Variants in FNDC3B observed in about 807,000 individuals in gnomAD.
FNDC3B encodes the protein fibronectin type III domain containing 3B.
A neutral mutation model predicts 151.5 loss-of-function variants in FNDC3B; 12 were observed. The observed-to-expected ratio is 0.08, with a 90% CI of 0.05 to 0.13. The LOEUF is 0.13. Ranked by LOEUF, FNDC3B falls within the 10% of genes least tolerant of loss-of-function variation. FNDC3B has a pLI of 1.00. For missense variants in FNDC3B, 1,214 were observed against 1,505.3 expected, an observed-to-expected ratio of 0.81 and a Z score of 3.20; for synonymous variants, 528 against 549.0, an observed-to-expected ratio of 0.96 and a Z score of 0.54.
intron 9 of FNDC3B, among the ~76,000 whole-genome samples, chr3:172,305,182 T>C (rs1731131857): frequency 6.6e-6 from 1 of 152,208 alleles, no homozygotes. Context: ...TTATTTCACC[T>C]ATAAACTATA....
At position 172,071,841 on chromosome 3, in the gene FNDC3B, C is replaced by A. The variant is rs545760350; in HGVS notation, c.-29+32070C>A. ...GCACTTCCGTATGAAGTCATTTTCT[C>A]ATTACCATGGTCTTACGAGGATAGA... On this transcript the variant is annotated intron_variant, in intron 1 of 25. Coordinates refer to ENST00000415807, the MANE Select transcript of FNDC3B (RefSeq NM_022763.4). Among the ~76,000 whole-genome samples, 10 of 152,174 alleles carry A rather than the reference C, an allele frequency of 6.6e-5. 2 individuals are homozygous for A. Among genetic ancestry groups the A allele is most frequent in the African/African-American group, 2.4e-4 (10 of 41,512 alleles).
rs1736526448 is a variant in FNDC3B at position 172,400,672 on chromosome 3, C to T, written c.*3197C>T. ...TAGTGTATATGTAATATATTTATGC[C>T]CAATAAATGTTTTAATTCTTTCTGA... is the stretch of plus-strand genomic sequence containing the variant. On this transcript the variant is annotated 3_prime_UTR_variant, in exon 26 of 26. Transcript: ENST00000415807. 6.6e-6 allele frequency: 1 copy of T among 152,308 alleles called. No homozygotes were observed. Among genetic ancestry groups the T allele is most frequent in the Admixed American group, 6.6e-5 (1 of 15,236 alleles). 9.4% of individuals were successfully genotyped at this position (152,308 alleles called of 1,614,324 possible).
At chr3:172,118,234 C>T (rs1720360231) in intron 2 of FNDC3B, among the ~76,000 whole-genome samples, 1 of 152,188 alleles carries the variant, frequency 6.6e-6, no homozygotes, top group South Asian at 2.1e-4. Context: ...CAAATGTGCC[C>T]CTCCTCCTAA....
chr3:172,222,338 T>C (rs1160242548), intron 3 of FNDC3B, among the ~76,000 whole-genome samples: 1 of 152,214 alleles, frequency 6.6e-6, no homozygotes, highest in African/African-American at 2.4e-5. Context: ...CTAAGACTTG[T>C]TTAAATGATG....
chr3:172,278,506 A>C (rs1263309310), intron 6 of FNDC3B, among the ~76,000 whole-genome samples: 1 of 152,240 alleles, frequency 6.6e-6, no homozygotes, highest in Non-Finnish European at 1.5e-5. Context: ...TGAACAGTTC[A>C]AAAACACAGG....
chr3:172,316,767 T>C (rs1222382540), intron 11 of FNDC3B, among the ~76,000 whole-genome samples: 1 of 152,236 alleles, frequency 6.6e-6, no homozygotes, highest in Non-Finnish European at 1.5e-5. Flanking sequence ...ATCAATGATA[T>C]GATGTTTATC....
intron 6 of FNDC3B, among the ~76,000 whole-genome samples, chr3:172,264,903 G>A (rs1171710058): frequency 6.6e-6 from 1 of 152,180 alleles, no homozygotes; most frequent in African/African-American, 2.4e-5. Flanking sequence ...TGGTCCAGTT[G>A]CTAGATTGTC....
At chr3:172,099,324 CATAA>C (rs914640417) in intron 1 of FNDC3B, among the ~76,000 whole-genome samples, 3 of 151,936 alleles carry the variant, frequency 2.0e-5, no homozygotes, top group African/African-American at 7.3e-5. Flanking sequence ...TGATGAAAGA[CATAA>C]ATAAATGAAT....
chr3:172,174,035 A>C (rs1723421650), intron 3 of FNDC3B, among the ~76,000 whole-genome samples: 1 of 152,160 alleles, frequency 6.6e-6, no homozygotes, highest in African/African-American at 2.4e-5. Context: ...AAAGATGCCC[A>C]TTGCGGGAAA....
intron 3 of FNDC3B, among the ~76,000 whole-genome samples, chr3:172,153,805 A>G (rs1038235286): frequency 1.5e-4 from 23 of 152,192 alleles, no homozygotes; most frequent in Admixed American, 3.9e-4. Flanking sequence ...AGGAGGCCAG[A>G]CTGGACTGCA....
chr3:172,330,679 G>C lies in FNDC3B; in HGVS notation c.1518G>C (p.Val506=). The change falls in exon 13 of 26, where the codon GTG becomes GTC. Residue 506 remains valine, a synonymous_variant. Transcript: ENST00000415807. Reference sequence around the variant, plus strand: ...CAGAAGGCTGTTCACCCGAGGAAGTGATCACCTACACCTTGGAAATTCAGG... The same window carrying C: ...CAGAAGGCTGTTCACCCGAGGAAGTCATCACCTACACCTTGGAAATTCAGG... ...SKPEGCSPEE[V]ITYTLEIQED... The C allele has an allele frequency of 1.2e-6, 2 of 1,614,002 alleles. No individual in the cohort carries two copies. The highest frequency in any genetic ancestry group is 1.1e-5 in the South Asian group (1 of 91,038).
chr3:172,060,262 C>T (rs1250624866), intron 1 of FNDC3B, among the ~76,000 whole-genome samples: 1 of 152,112 alleles, frequency 6.6e-6, no homozygotes, highest in African/African-American at 2.4e-5. Flanking sequence ...ATTTAAAAGT[C>T]TAGATTCTTT....
intron 23 of FNDC3B, among the ~76,000 whole-genome samples, chr3:172,370,555 C>G (rs1734836002): frequency 6.6e-6 from 1 of 152,142 alleles, no homozygotes; most frequent in African/African-American, 2.4e-5. Context: ...AAGTTCCTGC[C>G]AAGTGAACAA....
At chr3:172,197,237 A>T (rs150436371) in intron 3 of FNDC3B, among the ~76,000 whole-genome samples, 3 of 152,292 alleles carry the variant, frequency 2.0e-5, no homozygotes, top group Non-Finnish European at 2.9e-5. Context: ...AAAATGTTTG[A>T]AACAGCCTCA....
chr3:172,126,705 C>G (rs1720823945), intron 2 of FNDC3B, among the ~76,000 whole-genome samples: 1 of 152,136 alleles, frequency 6.6e-6, no homozygotes, highest in South Asian at 2.1e-4. Flanking sequence ...TTTAATTCTT[C>G]CTGTGTGCTT....
intron 11 of FNDC3B, among the ~76,000 whole-genome samples, chr3:172,321,156 C>T (rs1294026807): frequency 6.6e-6 from 1 of 152,154 alleles, no homozygotes; most frequent in Non-Finnish European, 1.5e-5. Flanking sequence ...TGAGGAAGTC[C>T]TTTGAAATGT....
chr3:172,340,740 C>T (rs1044589898), intron 16 of FNDC3B, among the ~76,000 whole-genome samples: 3 of 152,156 alleles, frequency 2.0e-5, no homozygotes, highest in Admixed American at 6.5e-5. Context: ...AGAAGTAGCC[C>T]CGTGCCTGGC....
intron 6 of FNDC3B, among the ~76,000 whole-genome samples, chr3:172,261,982 A>G (rs1253230436): frequency 6.6e-6 from 1 of 152,224 alleles, no homozygotes; most frequent in African/African-American, 2.4e-5. Flanking sequence ...TGCTCCAAGC[A>G]TAAAAGAGAA....
At chr3:172,173,425 C>A (rs151110697) in intron 3 of FNDC3B, among the ~76,000 whole-genome samples, 1 of 152,158 alleles carries the variant, frequency 6.6e-6, no homozygotes, top group African/African-American at 2.4e-5. Flanking sequence ...TTGATGTGTT[C>A]TTTGAAGTCA....
Sources: allele counts gnomAD v4.1 joint callset (sites outside exome capture counted in the v4.1 genomes callset), GRCh38; gene constraint gnomAD v4.1.1; transcripts MANE v1.5; gene names NCBI Gene and HGNC (gene_info 2026-07-23, HGNC 2026-07-21).